Variants in XRCC5 observed in about 807,000 individuals in gnomAD.
XRCC5 encodes the protein X-ray repair cross complementing 5, also known as DNA repair protein Ku80.
A neutral mutation model predicts 95.7 loss-of-function variants in XRCC5; 12 were observed. The ratio of observed to expected loss-of-function variants is 0.13; its 90% confidence interval spans 0.08 to 0.20. The LOEUF (loss-of-function observed/expected upper bound fraction) is 0.20, where lower values mean the gene tolerates loss of function less well. Ranked by LOEUF, XRCC5 falls within the 10% of genes least tolerant of loss-of-function variation. The pLI is 1.00. For synonymous variants in XRCC5, 281 were observed against 290.3 expected (o/e 0.97, Z 0.33); for missense variants, 595 against 873.9 (o/e 0.68, Z 4.02).
chr2:216,121,992 C>T, intron 5 of XRCC5, 70 bp from the exon 6 acceptor site: 2 of 1,355,010 alleles, frequency 1.5e-6, no homozygotes, highest in Non-Finnish European at 2.0e-6. Flanking sequence ...CTGATGTGCT[C>T]ATTTTCTCAT....
chr2:216,115,239 G>C (rs1036545619), intron 2 of XRCC5, among the ~76,000 whole-genome samples: 3 of 152,122 alleles, frequency 2.0e-5, no homozygotes, highest in Non-Finnish European at 4.4e-5. Context: ...AGTTTCTCTG[G>C]ATAACTGCCG....
intron 1 of XRCC5, chr2:216,111,475 G>A (rs758068804): frequency 2.4e-6 from 1 of 422,762 alleles, no homozygotes; most frequent in Non-Finnish European, 4.8e-6. Context: ...AGTGAGCCAT[G>A]ATCATGCCAC....
At chr2:216,144,375 C>T (rs192127980) in intron 13 of XRCC5, among the ~76,000 whole-genome samples, 1 of 152,248 alleles carries the variant, frequency 6.6e-6, no homozygotes, top group Non-Finnish European at 1.5e-5. Context: ...CCTTGTATGC[C>T]ATACTCAGTC....
At chr2:216,150,062 C>T (rs1286489157) in intron 14 of XRCC5, among the ~76,000 whole-genome samples, 1 of 152,188 alleles carries the variant, frequency 6.6e-6, no homozygotes, top group Non-Finnish European at 1.5e-5. Flanking sequence ...TAAAACCCCT[C>T]AATTTTGATG....
intron 8 of XRCC5, among the ~76,000 whole-genome samples, chr2:216,129,939 G>A (rs1280258652): frequency 1.3e-5 from 2 of 152,134 alleles, no homozygotes; most frequent in Non-Finnish European, 2.9e-5. Context: ...GCCTCCCCAA[G>A]TGCTAGGATT....
rs1483955433 is a variant in XRCC5 at position 216,131,638 on chromosome 2, T to G, written c.1050+651T>G. Among the ~76,000 whole-genome samples, 6 of 152,298 alleles carry G rather than the reference T, an allele frequency of 3.9e-5. No individual in the cohort carries two copies. In the East Asian group the frequency reaches 7.7e-4, roughly 20 times the overall value. The stretch of plus-strand genomic sequence containing the variant: ...ATTTAATTTCTCTTTCTTTCAACCC[T>G]TCCCCTCTAAGTCTTCACTCAAGCC... On this transcript the variant is annotated intron_variant, in intron 9 of 20. Transcript: ENST00000392132.
chr2:216,119,305 C>T (rs945353568), intron 5 of XRCC5, 140 bp downstream of exon 5: 79 of 868,842 alleles, frequency 9.1e-5, no homozygotes, highest in African/African-American at 6.1e-4. Context: ...ACTGACTACT[C>T]AGCAAACATT....
chr2:216,128,226 C>G (rs1007306739), intron 8 of XRCC5, among the ~76,000 whole-genome samples: 1 of 152,126 alleles, frequency 6.6e-6, no homozygotes, highest in African/African-American at 2.4e-5. Context: ...TAGAAACTAG[C>G]TGAGGATATC....
chr2:216,118,176 G>GTT lies in XRCC5; in HGVS notation c.368+394_368+395dup, dbSNP rs796937806. ...GTTGTGTGTGTGTATGTTTTTTGTTGTTTTTTTTTTTTTGAGTTGGGGTCT... is the reference window on the plus strand; with the variant it reads ...GTTGTGTGTGTGTATGTTTTTTGTTGTTTTTTTTTTTTTTTGAGTTGGGGTCT... On this transcript the variant is annotated intron_variant, in intron 4 of 20. Coordinates refer to ENST00000392132, the MANE Select transcript of XRCC5 (RefSeq NM_021141.4). Among the ~76,000 whole-genome samples the GTT allele has an allele frequency of 1.9e-3, 264 of 140,664 alleles. 3 individuals carry two copies. The highest frequency in any genetic ancestry group is 6.4e-3 in the African/African-American group (247 of 38,624). The allele number at this position is 140,664 out of a possible 152,430, so 92.3% of individuals were successfully genotyped here.
chr2:216,143,731 G>A (rs1306345756), intron 13 of XRCC5, among the ~76,000 whole-genome samples: 8 of 150,904 alleles, frequency 5.3e-5, no homozygotes, highest in Admixed American at 2.0e-4. Flanking sequence ...ATTTTGAGAC[G>A]GAGTCTCACT....
chr2:216,137,006 A>G (rs963507176), intron 10 of XRCC5, 82 bp from the exon 11 acceptor site: 46 of 1,458,988 alleles, frequency 3.2e-5, no homozygotes, highest in Admixed American at 6.9e-5. Context: ...AAAGAAAGTG[A>G]TAACAGTCTT....
chr2:216,205,327 T>C lies in XRCC5; in HGVS notation c.*125T>C. ...CTCAAGAAATTCCCAGCAGGTTACC[T>C]GGAGGCGGATCATCTAATTCTCTGT... On this transcript the variant is annotated 3_prime_UTR_variant, in exon 21 of 21. Transcript: ENST00000392132. 2 of 1,110,086 alleles carry C rather than the reference T, an allele frequency of 1.8e-6. No homozygotes were observed. Among genetic ancestry groups the C allele is most frequent in the Non-Finnish European group, 2.8e-6 (2 of 722,802 alleles). 68.8% of individuals were successfully genotyped at this position (1,110,086 alleles called of 1,614,324 possible).
At chr2:216,198,522 A>G (rs763931611) in intron 19 of XRCC5, among the ~76,000 whole-genome samples, 6 of 151,032 alleles carry the variant, frequency 4.0e-5, no homozygotes, top group African/African-American at 7.3e-5. Flanking sequence ...GATCCTTTGT[A>G]TGAAAAATGC....
intron 13 of XRCC5, among the ~76,000 whole-genome samples, chr2:216,144,400 G>A (rs1264856390): frequency 1.3e-5 from 2 of 152,192 alleles, no homozygotes; most frequent in Non-Finnish European, 2.9e-5. Flanking sequence ...GGATTTTACA[G>A]CAGTGGGTAA....
At chr2:216,187,786 G>GACACACAC (rs149998611) in intron 16 of XRCC5, among the ~76,000 whole-genome samples, 836 of 64,420 alleles carry the variant, frequency 0.013, 43 homozygotes, top group African/African-American at 0.029. Context: ...ATGAACTCCT[G>GACACACAC]ACACACACAC....
intron 19 of XRCC5, among the ~76,000 whole-genome samples, chr2:216,198,566 T>C (rs1689776586): frequency 1.4e-5 from 2 of 141,308 alleles, no homozygotes; most frequent in African/African-American, 5.5e-5. Context: ...TATTTATTTA[T>C]TTATTTAGAG....
At chr2:216,117,663 C>T in intron 3 of XRCC5, 83 bp from the exon 4 acceptor site, 10 of 1,439,672 alleles carry the variant, frequency 6.9e-6, no homozygotes, top group South Asian at 4.6e-5. Context: ...CCACAATTTC[C>T]AGCACGGTGG....
At chr2:216,134,841 T>A (rs1475094208) in intron 10 of XRCC5, among the ~76,000 whole-genome samples, 1 of 152,226 alleles carries the variant, frequency 6.6e-6, no homozygotes, top group Non-Finnish European at 1.5e-5. Flanking sequence ...TGTGCTTATC[T>A]AGCCCTTTCT....
chr2:216,199,918 T>C (rs1431043305), intron 19 of XRCC5, among the ~76,000 whole-genome samples: 1 of 152,048 alleles, frequency 6.6e-6, no homozygotes, highest in East Asian at 1.9e-4. Flanking sequence ...TTAGCACTTA[T>C]TTTTCTTGTA....
Sources: gnomAD v4.1 joint callset for allele counts (sites outside exome capture counted in the v4.1 genomes callset) on GRCh38, gnomAD v4.1.1 for gene constraint, MANE v1.5 for transcripts, NCBI Gene and HGNC (gene_info 2026-07-23, HGNC 2026-07-21) for gene names.